Variants in ADPGK observed in about 807,000 individuals in gnomAD.
The protein encoded by ADPGK is ADP dependent glucokinase, also known as ADP-dependent glucokinase.
Under a neutral mutation model 42.4 loss-of-function variants are expected in ADPGK, and 26 were observed. The ratio of observed to expected loss-of-function variants is 0.61; its 90% confidence interval spans 0.45 to 0.85. The LOEUF (loss-of-function observed/expected upper bound fraction) is 0.85, where lower values mean the gene tolerates loss of function less well. Ranked by LOEUF, ADPGK falls within the 40% of genes least tolerant of loss-of-function variation. The pLI, the probability that ADPGK is intolerant of heterozygous loss-of-function variation, is 0.00. For missense variants in ADPGK, 571 were observed against 627.0 expected (o/e 0.91, Z 0.95); for synonymous variants, 267 against 252.6 (o/e 1.06, Z -0.54).
At chr15:72,776,047 G>A (rs1272130884) in intron 1 of ADPGK, among the ~76,000 whole-genome samples, 2 of 151,906 alleles carry the variant, frequency 1.3e-5, no homozygotes, top group African/African-American at 4.8e-5. Flanking sequence ...TATTCCTTAC[G>A]TGTGGGTGGA....
intron 1 of ADPGK, among the ~76,000 whole-genome samples, chr15:72,775,561 C>G (rs969640223): frequency 5.9e-5 from 9 of 152,182 alleles, no homozygotes; most frequent in African/African-American, 2.2e-4. Context: ...TGAATGTATA[C>G]TTAGGAACAG....
chr15:72,752,434 T>C lies in ADPGK; in HGVS notation c.1401A>G (p.Val467=). The change falls in exon 7 of 7, where the codon GTA becomes GTG. Residue 467 remains valine (V), a synonymous_variant. Transcript: ENST00000456471. ...TTCGAATGGGGTCTTTACACACCAATACTGGTGTGAAGTGGAAGGATATTC... is the reference window on the plus strand; with the variant it reads ...TTCGAATGGGGTCTTTACACACCAACACTGGTGTGAAGTGGAAGGATATTC... The part of the protein sequence containing the change: ...REGISFHFTP[V]LVCKDPIRTV... The C allele has an allele frequency of 1.2e-6, 2 of 1,614,236 alleles. No individual in the cohort carries two copies. The highest frequency in any genetic ancestry group is 1.7e-6 in the Non-Finnish European group (2 of 1,180,044).
chr15:72,756,373 T>C lies in ADPGK; in HGVS notation c.718A>G (p.Met240Val). 1.2e-6 allele frequency: 2 copies of C among 1,614,204 alleles called. No individual in the cohort carries two copies. Among genetic ancestry groups the C allele is most frequent in the Non-Finnish European group, 1.7e-6 (2 of 1,180,042 alleles). The change falls in exon 5 of 7, where the codon ATG becomes GTG. Residue 240 changes from methionine (M) to valine (V), a missense_variant. Transcript: ENST00000456471. ...GACACAAACACCTCCAGCATATTCA[T>C]GGCCCCGTTGGAGAGGTCGTGAGAG... is the stretch of plus-strand genomic sequence containing the variant. ...IFSHDLSNGAMNMLEVFVSSL... is the reference protein window; with the variant it reads ...IFSHDLSNGAVNMLEVFVSSL...
intron 3 of ADPGK, among the ~76,000 whole-genome samples, chr15:72,767,968 T>C (rs2066280116): frequency 6.6e-6 from 1 of 151,348 alleles, no homozygotes; most frequent in Non-Finnish European, 1.5e-5. Context: ...CAGAGAAAAA[T>C]AAATTCACCA....
chr15:72,762,324 G>C (rs1351283013), intron 3 of ADPGK, among the ~76,000 whole-genome samples: 1 of 152,122 alleles, frequency 6.6e-6, no homozygotes, highest in Non-Finnish European at 1.5e-5. Flanking sequence ...TTCAGATTTA[G>C]TATGTCCCAC....
chr15:72,775,876 T>C (rs2151091349), intron 1 of ADPGK, among the ~76,000 whole-genome samples: 1 of 38,984 alleles, frequency 2.6e-5, no homozygotes, highest in South Asian at 1.3e-3. Context: ...TCTGAAGTGC[T>C]TGAGATCAGA....
intron 2 of ADPGK, among the ~76,000 whole-genome samples, chr15:72,772,573 T>C (rs1472299447): frequency 1.3e-5 from 2 of 152,128 alleles, no homozygotes; most frequent in Non-Finnish European, 2.9e-5. Context: ...CCCTATAACC[T>C]GAACAAACCT....
In ADPGK at chr15:72,781,534, C is replaced by T. The variant is rs116344505; in HGVS notation, c.233+1925G>A. Among the ~76,000 whole-genome samples, 518 of 152,272 alleles carry T rather than the reference C, an allele frequency of 3.4e-3. 2 individuals are homozygous for T. The highest frequency in any genetic ancestry group is 6.9e-3 in the African/African-American group (285 of 41,548). On this transcript the variant is annotated intron_variant, in intron 1 of 6. Coordinates refer to ENST00000456471, the MANE Select transcript of ADPGK (RefSeq NM_001365225.1). Reference sequence around the variant, plus strand: ...AAGTCACTGTAGTAAAATATATTTTCCAAGATGGTGGCAATAAGATGCCCC... The same window carrying T: ...AAGTCACTGTAGTAAAATATATTTTTCAAGATGGTGGCAATAAGATGCCCC...
chr15:72,774,751 G>C, intron 2 of ADPGK, 121 bp downstream of exon 2: 1 of 775,226 alleles, frequency 1.3e-6, no homozygotes, highest in South Asian at 1.8e-5. Flanking sequence ...TTTTCAACCA[G>C]GGGTGATTTT....
intron 1 of ADPGK, among the ~76,000 whole-genome samples, chr15:72,776,113 G>A (rs1320423276): frequency 6.6e-6 from 1 of 152,158 alleles, no homozygotes. Flanking sequence ...GTGCCCCAGA[G>A]TTTTGGATTT....
chr15:72,760,537 A>G lies in ADPGK; in HGVS notation c.523-10T>C. On this transcript the variant is annotated splice_polypyrimidine_tract_variant and intron_variant, in intron 3 of 6. Transcript: ENST00000456471. The stretch of plus-strand genomic sequence containing the variant: ...GACCGCAAAGAAGAACCTGGAGGCA[A>G]GCAACACGAAGTCCATCAGGAGCCC... 6.3e-7 allele frequency: 1 copy of G among 1,594,820 alleles called. No homozygotes were observed. Among genetic ancestry groups the G allele is most frequent in the Non-Finnish European group, 8.6e-7 (1 of 1,164,992 alleles).
chr15:72,756,107 G>A lies in ADPGK; in HGVS notation c.840+144C>T, dbSNP rs574858541. On this transcript the variant is annotated intron_variant, in intron 5 of 6. Transcript: ENST00000456471. ...GGATACAGTGAGGTGCCTCACTGCA[G>A]CAGGAGGCAAGCTCCACAGCCAGCT... The A allele has an allele frequency of 1.9e-5, 18 of 947,558 alleles. No individual in the cohort carries two copies. In the African/African-American group the frequency reaches 2.1e-4, roughly 11 times the overall value. The allele number at this position is 947,558 out of a possible 1,614,324, so 58.7% of individuals were successfully genotyped here. A position where few individuals can be genotyped will look rare whatever the true frequency, so the allele number is the denominator to read the frequency against.
rs1379289905 is a variant in ADPGK at position 72,751,395 on chromosome 15, AT to A, written c.*945del. 1 of 152,638 alleles carries A rather than the reference AT, an allele frequency of 6.6e-6. No individual in the cohort carries two copies. The highest frequency in any genetic ancestry group is 1.5e-5 in the Non-Finnish European group (1 of 68,026). The allele number at this position is 152,638 out of a possible 1,614,324, so 9.5% of individuals were successfully genotyped here. A position where few individuals can be genotyped will look rare whatever the true frequency, so the allele number is the denominator to read the frequency against. Reference sequence around the variant, plus strand: ...CTGAAATGTAAATTGTTTTTAATATATTTAAGAGCACACAGAAGTCTTGATT... The same window carrying A: ...CTGAAATGTAAATTGTTTTTAATATATTAAGAGCACACAGAAGTCTTGATT... On this transcript the variant is annotated 3_prime_UTR_variant, in exon 7 of 7. Transcript: ENST00000456471.
chr15:72,768,011 A>G (rs1472554998), intron 3 of ADPGK, among the ~76,000 whole-genome samples: 2 of 152,144 alleles, frequency 1.3e-5, no homozygotes, highest in Non-Finnish European at 1.5e-5. Flanking sequence ...GAGCAATAAA[A>G]TTTATAAACC....
At chr15:72,782,385 C>T (rs1395186036) in intron 1 of ADPGK, among the ~76,000 whole-genome samples, 2 of 151,810 alleles carry the variant, frequency 1.3e-5, no homozygotes, top group South Asian at 2.1e-4. Context: ...ATTGGCTGGG[C>T]GTGGTGGTGC....
intron 1 of ADPGK, among the ~76,000 whole-genome samples, chr15:72,775,923 A>G (rs1407603383): frequency 6.6e-6 from 1 of 152,184 alleles, no homozygotes; most frequent in Non-Finnish European, 1.5e-5. Context: ...TATACATGAG[A>G]TATCTTGGGA....
chr15:72,759,112 AT>A, intron 4 of ADPGK, among the ~76,000 whole-genome samples: 1 of 152,132 alleles, frequency 6.6e-6, no homozygotes, highest in African/African-American at 2.4e-5. Context: ...TAATTTTTGT[AT>A]TTTTAGTAGA....
At chr15:72,773,615 A>G (rs2066354500) in intron 2 of ADPGK, among the ~76,000 whole-genome samples, 1 of 152,228 alleles carries the variant, frequency 6.6e-6, no homozygotes, top group Admixed American at 6.5e-5. Context: ...TCATCAAGAA[A>G]TAAAGGCAGA....
At chr15:72,776,518 T>C (rs773533853) in intron 1 of ADPGK, among the ~76,000 whole-genome samples, 7 of 152,208 alleles carry the variant, frequency 4.6e-5, no homozygotes, top group Non-Finnish European at 7.3e-5. Flanking sequence ...AAATACATAG[T>C]TGTATTTCCC....
Sources: gnomAD v4.1 joint callset for allele counts (sites outside exome capture counted in the v4.1 genomes callset) on GRCh38, gnomAD v4.1.1 for gene constraint, MANE v1.5 for transcripts, NCBI Gene and HGNC (gene_info 2026-07-23, HGNC 2026-07-21) for gene names.